SNAPC3: variants seen among roughly 807,000 people sequenced by gnomAD.
SNAPC3 encodes small nuclear RNA activating complex polypeptide 3.
In SNAPC3, 56 loss-of-function variants were observed where a neutral mutation model predicts 47.7. The observed-to-expected ratio is 1.18, with a 90% CI of 0.95 to 1.47. SNAPC3 has a LOEUF of 1.47. Ranked by LOEUF, SNAPC3 falls within the 40% of genes most tolerant of loss-of-function variation. The pLI, the probability that SNAPC3 is intolerant of heterozygous loss-of-function variation, is 0.00. For synonymous variants in SNAPC3, 235 were observed against 189.9 expected (o/e 1.24, Z -1.95); for missense variants, 665 against 511.3 (o/e 1.30, Z -2.90).
intron 8 of SNAPC3, among the ~76,000 whole-genome samples, 194 bp from the exon 9 acceptor site, chr9:15,459,525 C>CT (rs1167779006): frequency 6.6e-6 from 1 of 152,108 alleles, no homozygotes; most frequent in Non-Finnish European, 1.5e-5. Flanking sequence ...GTTAGATGCC[C>CT]TTTCGCTTTG....
Position 15,423,184 on chromosome 9 carries a change from C to T in SNAPC3, c.305C>T (p.Ala102Val), listed in dbSNP as rs758031602. ...CTGGAGGCGGCGGCTGAGCTGAGGG[C>T]GGTGTGCGGGTGAGTGCGGAGCAAA... Reference protein sequence around the residue: ...CSLEAAAELRAVCGLDKLKCL... With the variant: ...CSLEAAAELRVVCGLDKLKCL... The change falls in exon 1 of 9, where the codon GCG (alanine) becomes GTG (valine). Residue 102 changes from alanine (A) to valine (V), a missense_variant. Ala to Val is a moderately conservative substitution (Grantham distance 64). Transcript: ENST00000380821. The T allele has an allele frequency of 6.3e-7, 1 of 1,577,210 alleles. No individual in the cohort carries two copies. The highest frequency in any genetic ancestry group is 1.1e-5 in the South Asian group (1 of 87,508).
chr9:15,442,591 G>A (rs1431260276), intron 3 of SNAPC3, among the ~76,000 whole-genome samples: 4 of 150,722 alleles, frequency 2.7e-5, no homozygotes, highest in Admixed American at 6.6e-5. Flanking sequence ...GGGCAGAGGC[G>A]TTCCCCACAT....
At chr9:15,432,046 A>G (rs2032231066) in intron 2 of SNAPC3, 1 of 152,154 alleles carries the variant, frequency 6.6e-6, no homozygotes, top group Non-Finnish European at 1.5e-5. Context: ...AACTGTTTAT[A>G]ATTTAGTGTT....
intron 1 of SNAPC3, 61 bp downstream of exon 1, chr9:15,423,254 T>G: frequency 2.7e-6 from 4 of 1,459,290 alleles, no homozygotes; most frequent in Non-Finnish European, 3.6e-6. Context: ...GCCTTGCTCG[T>G]GCGCTCCTCT....
chr9:15,423,168 G>C lies in SNAPC3; in HGVS notation c.289G>C (p.Ala97Pro). The C allele has an allele frequency of 1.3e-6, 2 of 1,574,776 alleles. No homozygotes were observed. Among genetic ancestry groups the C allele is most frequent in the Non-Finnish European group, 1.7e-6 (2 of 1,169,974 alleles). Residue 97 changes from alanine to proline, a missense_variant, in exon 1 of 9, where the codon GCG becomes CCG. By Grantham distance (27) the Ala-to-Pro change is conservative (BLOSUM62 -1). Coordinates refer to ENST00000380821, the MANE Select transcript of SNAPC3 (RefSeq NM_001039697.2). ...ARDLDCSLEA[A>P]AELRAVCGLD... ...GGATCTGGACTGCAGCCTGGAGGCG[G>C]CGGCTGAGCTGAGGGCGGTGTGCGG... is the stretch of plus-strand genomic sequence containing the variant.
chr9:15,434,335 C>T (rs541132335), intron 3 of SNAPC3, among the ~76,000 whole-genome samples: 5 of 152,092 alleles, frequency 3.3e-5, no homozygotes, highest in Admixed American at 1.3e-4. Context: ...TCTATTCTAC[C>T]TTCTTTCTCT....
intron 7 of SNAPC3, among the ~76,000 whole-genome samples, chr9:15,455,403 C>G (rs956703783): frequency 2.6e-5 from 4 of 152,070 alleles, no homozygotes; most frequent in Non-Finnish European, 5.9e-5. Context: ...CCTGTCTCTA[C>G]TAAAAATACA....
At chr9:15,447,475 T>G (rs995967771) in intron 5 of SNAPC3, among the ~76,000 whole-genome samples, 9 of 152,076 alleles carry the variant, frequency 5.9e-5, no homozygotes, top group Admixed American at 1.3e-4. Flanking sequence ...GTATGGAGAC[T>G]TTTCCTTCTG....
intron 3 of SNAPC3, among the ~76,000 whole-genome samples, chr9:15,439,772 G>C (rs574902233): frequency 6.6e-6 from 1 of 152,290 alleles, no homozygotes; most frequent in South Asian, 2.1e-4. Flanking sequence ...AACCTCAAGT[G>C]ATCCACCTGC....
chr9:15,465,919 T>G, downstream of SNAPC3: 1 of 207,088 alleles, frequency 4.8e-6, no homozygotes, highest in Non-Finnish European at 9.6e-6. Flanking sequence ...ACCAACATAT[T>G]TCAAAATCTT....
chr9:15,439,115 T>A (rs896812815), intron 3 of SNAPC3, among the ~76,000 whole-genome samples: 9 of 151,992 alleles, frequency 5.9e-5, no homozygotes, highest in African/African-American at 2.2e-4. Context: ...GCTCAAGTTA[T>A]CTTCCCACCT....
downstream of SNAPC3, among the ~76,000 whole-genome samples, chr9:15,466,398 C>A (rs528806723): frequency 2.7e-5 from 4 of 149,584 alleles, no homozygotes; most frequent in East Asian, 2.0e-4. Context: ...ACAACAACAA[C>A]AAAACTGTGA....
At chr9:15,465,617 A>T, downstream of SNAPC3, 1 of 1,488,714 alleles carries the variant, frequency 6.7e-7, no homozygotes, top group Admixed American at 2.0e-5. Context: ...TGGAATTAGG[A>T]TTTTCTCCTG....
downstream of SNAPC3, chr9:15,464,594 T>G (rs918972372): frequency 9.1e-5 from 18 of 197,896 alleles, no homozygotes; most frequent in African/African-American, 3.9e-4. Context: ...TGAGTTTCCT[T>G]ATATAACATT....
chr9:15,444,486 A>C (rs2033764474), intron 3 of SNAPC3, 116 bp from the exon 4 acceptor site: 1 of 631,802 alleles, frequency 1.6e-6, no homozygotes, highest in Middle Eastern at 2.6e-4. Context: ...CCAGAGTATA[A>C]TTAGGTGTCA....
At chr9:15,466,664 T>C (rs930953616), downstream of SNAPC3, 13 of 1,050,908 alleles carry the variant, frequency 1.2e-5, no homozygotes, top group Non-Finnish European at 1.8e-5. Context: ...CTGCTTATTA[T>C]AGTAAGATAA....
intron 3 of SNAPC3, among the ~76,000 whole-genome samples, chr9:15,437,188 C>T (rs1182295588): frequency 2.6e-5 from 4 of 151,660 alleles, no homozygotes; most frequent in African/African-American, 7.3e-5. Context: ...AAATTTATCC[C>T]TAAATATTTT....
rs994157502 is a variant in SNAPC3 at position 15,426,607 on chromosome 9, G to A, written c.392+2621G>A. 4.6e-5 allele frequency among the ~76,000 whole-genome samples: 7 copies of A among 152,282 alleles called. 1 individual carries two copies. Among genetic ancestry groups the A allele is most frequent in the African/African-American group, 9.6e-5 (4 of 41,566 alleles). ...TTTAGAGATAGACTGAAAAAAGAAC[G>A]TTGATGATAATCATATTAAAGCAGA... On this transcript the variant is annotated intron_variant, in intron 2 of 8. Coordinates refer to ENST00000380821, the MANE Select transcript of SNAPC3 (RefSeq NM_001039697.2).
intron 7 of SNAPC3, 39 bp downstream of exon 7, chr9:15,453,244 T>C: frequency 4.0e-6 from 6 of 1,494,060 alleles, no homozygotes; most frequent in Non-Finnish European, 5.5e-6. Context: ...TACCTTTTTT[T>C]TTCTTTATTT....
Sources: gnomAD v4.1 joint callset for allele counts (sites outside exome capture counted in the v4.1 genomes callset) on GRCh38, gnomAD v4.1.1 for gene constraint, MANE v1.5 for transcripts, NCBI Gene and HGNC (gene_info 2026-07-23, HGNC 2026-07-21) for gene names.